PCDHGB1: variants seen among roughly 807,000 people sequenced by gnomAD.
PCDHGB1 encodes protocadherin gamma subfamily B, 1, also known as protocadherin gamma-B1.
In PCDHGB1, 34 loss-of-function variants were observed where a neutral mutation model predicts 56.6. The observed-to-expected ratio is 0.60, with a 90% CI of 0.46 to 0.80. PCDHGB1 has a LOEUF of 0.80. PCDHGB1 is among the 30% of genes least tolerant of loss of function. PCDHGB1 has a pLI of 0.00. For missense variants in PCDHGB1, 1,278 were observed against 1,204.6 expected, an observed-to-expected ratio of 1.06 and a Z score of -0.90; for synonymous variants, 561 against 505.9, an observed-to-expected ratio of 1.11 and a Z score of -1.46.
intron 1 of PCDHGB1, chr5:141,391,341 C>G (rs2092360139): frequency 6.9e-6 from 1 of 145,086 alleles, no homozygotes. Flanking sequence ...GAGACAGAGT[C>G]TCTGTCTGTT....
At chr5:141,470,585 G>A (rs2099233788) in intron 1 of PCDHGB1, among the ~76,000 whole-genome samples, 1 of 152,188 alleles carries the variant, frequency 6.6e-6, no homozygotes, top group African/African-American at 2.4e-5. Flanking sequence ...AACTTCATAG[G>A]CAGGCGACCT....
chr5:141,375,028 T>G (rs775365002), intron 1 of PCDHGB1: 2 of 1,613,924 alleles, frequency 1.2e-6, no homozygotes, highest in Admixed American at 1.7e-5. Flanking sequence ...CGAGTTTTTA[T>G]GAGCTGGGTG....
intron 1 of PCDHGB1, chr5:141,364,623 A>C: frequency 1.2e-6 from 2 of 1,614,178 alleles, no homozygotes; most frequent in Non-Finnish European, 1.7e-6. Flanking sequence ...CTCTGCGCTC[A>C]GAGCCCACTG....
At position 141,431,260 on chromosome 5, in the gene PCDHGB1, G is replaced by A. The variant is rs762250032; in HGVS notation, c.2410-63547G>A. The A allele has an allele frequency of 6.2e-7, 1 of 1,614,170 alleles. No individual in the cohort carries two copies. The highest frequency in any genetic ancestry group is 2.2e-5 in the East Asian group (1 of 44,892). On this transcript the variant is annotated intron_variant, in intron 1 of 3. Coordinates refer to ENST00000523390, the MANE Select transcript of PCDHGB1 (RefSeq NM_018922.3). The surrounding 1 kb of genome is among the most constrained non-coding windows in gnomAD (Gnocchi z 4.8). The stretch of plus-strand genomic sequence containing the variant: ...ATCCGGATATCGGGAAGAACTCTCT[G>A]CAGAGCTACGAGCTCAGCCCGAACA...
chr5:141,356,298 T>G, intron 1 of PCDHGB1: 1 of 1,554,986 alleles, frequency 6.4e-7, no homozygotes, highest in Non-Finnish European at 8.7e-7. Context: ...GTACAGTAAT[T>G]GCACTTTTCA....
intron 1 of PCDHGB1, chr5:141,370,747 A>G (rs780618979): frequency 1.2e-5 from 19 of 1,613,952 alleles, no homozygotes; most frequent in Middle Eastern, 3.3e-4. Context: ...AACTTTTTTC[A>G]TGTAACTGTG....
intron 1 of PCDHGB1, chr5:141,422,614 C>T (rs1207238896): frequency 6.2e-7 from 1 of 1,613,812 alleles, no homozygotes; most frequent in South Asian, 1.1e-5. Flanking sequence ...TGCCTACATT[C>T]CCGAAAACAA....
Position 141,487,399 on chromosome 5 carries a change from G to A in PCDHGB1, c.2410-7408G>A. 1.2e-6 allele frequency: 2 copies of A among 1,614,140 alleles called. No homozygotes were observed. Among genetic ancestry groups the A allele is most frequent in the South Asian group, 1.1e-5 (1 of 91,088 alleles). On this transcript the variant is annotated intron_variant, in intron 1 of 3. Coordinates refer to ENST00000523390, the MANE Select transcript of PCDHGB1 (RefSeq NM_018922.3). The surrounding 1 kb of genome is among the most constrained non-coding windows in gnomAD (Gnocchi z 5.0). ...TCACCAGATCTCGAAGGAGGGAGGGGCTTCCCCCTTCCAATGGGATCCTCC... is the reference window on the plus strand; with the variant it reads ...TCACCAGATCTCGAAGGAGGGAGGGACTTCCCCCTTCCAATGGGATCCTCC...
intron 1 of PCDHGB1, chr5:141,419,815 A>T: frequency 6.2e-7 from 1 of 1,613,988 alleles, no homozygotes. Context: ...GAGGACAGCC[A>T]CCCCTTTCAG....
chr5:141,360,595 C>G, intron 1 of PCDHGB1: 2 of 1,614,022 alleles, frequency 1.2e-6, no homozygotes, highest in Non-Finnish European at 1.7e-6. Context: ...AACATTTCCA[C>G]TTGACCCAGC....
In PCDHGB1 at chr5:141,432,469, C is replaced by A; in HGVS notation, c.2410-62338C>A. On this transcript the variant is annotated intron_variant, in intron 1 of 3. Coordinates refer to ENST00000523390, the MANE Select transcript of PCDHGB1 (RefSeq NM_018922.3). The surrounding 1 kb of genome is among the most constrained non-coding windows in gnomAD (Gnocchi z 6.0). ...TCCTGTACCCCGCCCTCCCCACGGA[C>A]GGTTCCACTGGCGTGGAGCTGGCTC... 6.2e-7 allele frequency: 1 copy of A among 1,614,218 alleles called. No individual in the cohort carries two copies.
chr5:141,410,726 A>G, intron 1 of PCDHGB1: 4 of 1,376,038 alleles, frequency 2.9e-6, no homozygotes, highest in Non-Finnish European at 3.9e-6. Context: ...TTTAAAATCC[A>G]TAGCTTTTTA....
At chr5:141,360,985 G>A (rs762015105) in intron 1 of PCDHGB1, 3 of 1,613,644 alleles carry the variant, frequency 1.9e-6, no homozygotes, top group East Asian at 4.5e-5. Flanking sequence ...CTTTCATAAT[G>A]TGGACGAACA....
At chr5:141,361,023 A>C (rs1171139053) in intron 1 of PCDHGB1, 1 of 1,613,384 alleles carries the variant, frequency 6.2e-7, no homozygotes. Flanking sequence ...ACTTAAATGA[A>C]AAAACAGGAG....
chr5:141,403,254 G>A (rs2094383546), intron 1 of PCDHGB1: 3 of 1,613,830 alleles, frequency 1.9e-6, no homozygotes, highest in Non-Finnish European at 2.5e-6. Flanking sequence ...CAGAGCCCGC[G>A]GTGTCTGGTG....
intron 1 of PCDHGB1, chr5:141,410,442 C>G (rs1444532577): frequency 6.2e-7 from 1 of 1,613,942 alleles, no homozygotes; most frequent in Admixed American, 1.7e-5. Context: ...AGTGAGGGGA[C>G]TTTGCCTTAT....
intron 1 of PCDHGB1, among the ~76,000 whole-genome samples, chr5:141,386,301 G>T (rs1049977575): frequency 1.3e-5 from 2 of 152,180 alleles, no homozygotes; most frequent in Non-Finnish European, 1.5e-5. Context: ...TTTTAGTAAA[G>T]CTCAGTATAT....
rs763239421 is a variant in PCDHGB1, at chr5:141,477,265, G to C, written c.2410-17542G>C. 1 of 1,614,198 alleles carries C rather than the reference G, an allele frequency of 6.2e-7. No homozygotes were observed. Among genetic ancestry groups the C allele is most frequent in the Admixed American group, 1.7e-5 (1 of 60,020 alleles). On this transcript the variant is annotated intron_variant, in intron 1 of 3. Coordinates refer to ENST00000523390, the MANE Select transcript of PCDHGB1 (RefSeq NM_018922.3). The surrounding 1 kb of genome is among the most constrained non-coding windows in gnomAD (Gnocchi z 4.9). ...GTGTGACTGACCTGGATGCTGGCGA[G>C]AACGGGCTGGTGACCTGCGAAGTTC...
rs1758567733 is a variant in PCDHGB1 at position 141,350,814 on chromosome 5, G to C, written c.554G>C (p.Gly185Ala). The stretch of plus-strand genomic sequence containing the variant: ...CTGTCAACGAAGGAAAGTCCTGATG[G>C]AAGTAAATATCCGGTATTACTGCTG... ...FSLSTKESPD[G>A]SKYPVLLLEK... Residue 185 changes from glycine (G) to alanine (A), a missense_variant, in exon 1 of 4, where the codon GGA becomes GCA. By Grantham distance (60) the Gly-to-Ala change is moderately conservative. Transcript: ENST00000523390. 3 of 1,613,904 alleles carry C rather than the reference G, an allele frequency of 1.9e-6. No homozygotes were observed. The highest frequency in any genetic ancestry group is 2.5e-6 in the Non-Finnish European group (3 of 1,179,902).
Sources: allele counts gnomAD v4.1 joint callset (sites outside exome capture counted in the v4.1 genomes callset), GRCh38; gene constraint gnomAD v4.1.1; non-coding constraint Gnocchi (gnomAD v3.1); transcripts MANE v1.5; gene names NCBI Gene and HGNC (gene_info 2026-07-23, HGNC 2026-07-21).